SYT9: variants seen among roughly 807,000 people sequenced by gnomAD.
SYT9 encodes the protein synaptotagmin 9, also known as synaptotagmin-9.
SYT9 carries 22 observed loss-of-function variants against 48.4 expected under a neutral mutation model. That is an observed-to-expected ratio of 0.45 (90% CI 0.32 to 0.65). SYT9 has a LOEUF of 0.65. Ranked by LOEUF, SYT9 falls within the 30% of genes least tolerant of loss-of-function variation. The probability of loss-of-function intolerance (pLI) is 0.03; values close to 1 mark genes in which losing one functional copy is unlikely to be tolerated. For synonymous variants in SYT9, 265 were observed against 245.0 expected (o/e 1.08, Z -0.76); for missense variants, 577 against 622.0 (o/e 0.93, Z 0.77).
chr11:7,448,495 G>C (rs1037052548), intron 6 of SYT9, among the ~76,000 whole-genome samples: 10 of 152,232 alleles, frequency 6.6e-5, no homozygotes, highest in African/African-American at 2.4e-4. Context: ...CTGTTCCAAG[G>C]AAGACAGCAT....
At position 7,454,131 on chromosome 11, in the gene SYT9, A is replaced by T. The variant is rs75282657; in HGVS notation, c.1468-12661A>T. On this transcript the variant is annotated intron_variant, in intron 6 of 6. Coordinates refer to ENST00000318881, the MANE Select transcript of SYT9 (RefSeq NM_175733.4). Reference sequence around the variant, plus strand: ...GTCACTTTTCTTTCCTTTCCTTGCTACCTACCTGATTTCCAGCCCTTGATG... The same window carrying T: ...GTCACTTTTCTTTCCTTTCCTTGCTTCCTACCTGATTTCCAGCCCTTGATG... 822 of 985,072 alleles carry T rather than the reference A, an allele frequency of 8.3e-4. 3 individuals are homozygous for T. The African/African-American group carries it at 0.013, about 16-fold the overall frequency. 61.0% of individuals were successfully genotyped at this position (985,072 alleles called of 1,614,324 possible). A position where few individuals can be genotyped will look rare whatever the true frequency, so the allele number is the denominator to read the frequency against.
intron 2 of SYT9, among the ~76,000 whole-genome samples, chr11:7,308,537 G>A (rs1334349315): frequency 6.6e-6 from 1 of 152,228 alleles, no homozygotes. Context: ...CTGCTAGAGA[G>A]GTAGGACCAA....
chr11:7,439,336 A>C (rs944671593), intron 6 of SYT9: 5 of 152,260 alleles, frequency 3.3e-5, no homozygotes, highest in Non-Finnish European at 5.9e-5. Flanking sequence ...CCAGCAGACA[A>C]AGAAAAGGAG....
At chr11:7,446,389 A>G (rs1847930749) in intron 6 of SYT9, among the ~76,000 whole-genome samples, 1 of 152,182 alleles carries the variant, frequency 6.6e-6, no homozygotes, top group South Asian at 2.1e-4. Flanking sequence ...TATTAGTATC[A>G]TTATTATTAA....
At chr11:7,251,514 G>T (rs1847867606), upstream of SYT9, among the ~76,000 whole-genome samples, 1 of 152,156 alleles carries the variant, frequency 6.6e-6, no homozygotes, top group Non-Finnish European at 1.5e-5. Context: ...TAGGCCCATG[G>T]TTCAAACCCA....
At position 7,295,865 on chromosome 11, in the gene SYT9, G is replaced by A. The variant is rs529122684; in HGVS notation, c.146-7174G>A. 9.2e-5 allele frequency among the ~76,000 whole-genome samples: 14 copies of A among 152,184 alleles called. 1 individual carries two copies. The highest frequency in any genetic ancestry group is 1.9e-4 in the East Asian group (1 of 5,180). On this transcript the variant is annotated intron_variant, in intron 1 of 6. Transcript: ENST00000318881. The stretch of plus-strand genomic sequence containing the variant: ...AGTAGTTCCTTGAGGGCAAGGATTC[G>A]TTTTATTTATTTTATATCCCTAATT...
At position 7,360,459 on chromosome 11, in the gene SYT9, C is replaced by T. The variant is rs190868075; in HGVS notation, c.1044+46518C>T. On this transcript the variant is annotated intron_variant, in intron 3 of 6. Coordinates refer to ENST00000318881, the MANE Select transcript of SYT9 (RefSeq NM_175733.4). ...ACCTTGGGCAGTATGGCCATTTTCA[C>T]GATATTGATTCTTCCTACTCATGAG... is the stretch of plus-strand genomic sequence containing the variant. Among the ~76,000 whole-genome samples the T allele has an allele frequency of 3.1e-3, 466 of 152,234 alleles. 4 individuals are homozygous for T. The highest frequency in any genetic ancestry group is 0.011 in the African/African-American group (444 of 41,530).
chr11:7,295,806 A>C (rs190705289), intron 1 of SYT9, among the ~76,000 whole-genome samples: 87 of 152,310 alleles, frequency 5.7e-4, no homozygotes, highest in African/African-American at 2.1e-3. Context: ...GTACTCTATA[A>C]ATTGCAACTA....
chr11:7,267,067 A>C (rs1848197578), intron 1 of SYT9, among the ~76,000 whole-genome samples: 1 of 152,136 alleles, frequency 6.6e-6, no homozygotes, highest in Non-Finnish European at 1.5e-5. Flanking sequence ...ATATATCATT[A>C]AGTGAGACTT....
At position 7,393,402 on chromosome 11, in the gene SYT9, C is replaced by T. The variant is rs575704606; in HGVS notation, c.1045-22640C>T. Among the ~76,000 whole-genome samples the T allele has an allele frequency of 1.7e-4, 26 of 151,192 alleles. No individual in the cohort carries two copies. The East Asian group carries it at 4.1e-3, about 24-fold the overall frequency. ...ATAATTCTGCTTATATGGCCAATCA[C>T]ATTTATTCATTTGCATATGTTGAGC... is the stretch of plus-strand genomic sequence containing the variant. On this transcript the variant is annotated intron_variant, in intron 3 of 6. Transcript: ENST00000318881.
intron 3 of SYT9, among the ~76,000 whole-genome samples, chr11:7,399,905 C>G (rs1263315750): frequency 6.6e-6 from 1 of 152,204 alleles, no homozygotes; most frequent in Non-Finnish European, 1.5e-5. Flanking sequence ...ATTTCACAAA[C>G]ATTTTATACC....
intron 6 of SYT9, among the ~76,000 whole-genome samples, chr11:7,429,994 A>G (rs1847536071): frequency 2.6e-5 from 4 of 152,302 alleles, no homozygotes; most frequent in African/African-American, 9.6e-5. Context: ...TGATAAAGGC[A>G]CAGTTCCTCA....
chr11:7,417,982 G>A lies in SYT9; in HGVS notation c.1191G>A (p.Met397Ile), dbSNP rs1847283436. The A allele has an allele frequency of 1.2e-6, 2 of 1,613,996 alleles. No homozygotes were observed. The highest frequency in any genetic ancestry group is 1.7e-6 in the Non-Finnish European group (2 of 1,179,986). Reference protein sequence around the residue: ...ASDPYVKVSLMCDGRRLKKRK... With the variant: ...ASDPYVKVSLICDGRRLKKRK... The stretch of plus-strand genomic sequence containing the variant: ...ATCCCTATGTGAAAGTCTCGCTGAT[G>A]TGTGATGGCAGACGACTGAAGAAGA... Residue 397 changes from methionine to isoleucine, a missense_variant, in exon 5 of 7, where the codon ATG becomes ATA. By Grantham distance (10) the Met-to-Ile change is conservative. Transcript: ENST00000318881.
At chr11:7,424,247 A>G (rs1377749393) in intron 6 of SYT9, among the ~76,000 whole-genome samples, 2 of 152,136 alleles carry the variant, frequency 1.3e-5, no homozygotes, top group Non-Finnish European at 2.9e-5. Context: ...TTCACTGCAC[A>G]CTCAAAGGTC....
chr11:7,416,523 C>T (rs762878127), intron 4 of SYT9, among the ~76,000 whole-genome samples: 4 of 152,026 alleles, frequency 2.6e-5, no homozygotes, highest in East Asian at 1.9e-4. Context: ...ATTCAACCAA[C>T]GATGGATTAA....
At chr11:7,378,422 A>G (rs555478474) in intron 3 of SYT9, among the ~76,000 whole-genome samples, 3 of 152,086 alleles carry the variant, frequency 2.0e-5, no homozygotes, top group Non-Finnish European at 4.4e-5. Context: ...GGAAGAGGTA[A>G]ATTGCTCCTG....
chr11:7,314,801 A>G (rs1849210122), intron 3 of SYT9, among the ~76,000 whole-genome samples: 1 of 152,228 alleles, frequency 6.6e-6, no homozygotes, highest in African/African-American at 2.4e-5. Flanking sequence ...CTTCCTGGAT[A>G]TGAGCTATTC....
At position 7,369,326 on chromosome 11, in the gene SYT9, G is replaced by GTT. The variant is rs746312090; in HGVS notation, c.1045-46707_1045-46706dup. Among the ~76,000 whole-genome samples the GTT allele has an allele frequency of 6.8e-5, 9 of 133,096 alleles. No individual in the cohort carries two copies. In the South Asian group the frequency reaches 1.5e-3, roughly 22 times the overall value. 87.3% of individuals were successfully genotyped at this position (133,096 alleles called of 152,430 possible). A position where few individuals can be genotyped will look rare whatever the true frequency, so the allele number is the denominator to read the frequency against. On this transcript the variant is annotated intron_variant, in intron 3 of 6. Transcript: ENST00000318881. ...TGCCCACTTTTTGATGGTGTTGTTT[G>GTT]TTTTTTTTTTCTTGTAAATTTGTTT...
At chr11:7,459,402 G>A (rs1848203725) in intron 6 of SYT9, among the ~76,000 whole-genome samples, 1 of 152,174 alleles carries the variant, frequency 6.6e-6, no homozygotes, top group South Asian at 2.1e-4. Context: ...GAAAAGAAGA[G>A]AAACCGATAG....
Sources: allele counts gnomAD v4.1 joint callset (sites outside exome capture counted in the v4.1 genomes callset), GRCh38; gene constraint gnomAD v4.1.1; transcripts MANE v1.5; gene names NCBI Gene and HGNC (gene_info 2026-07-23, HGNC 2026-07-21).